Variants in NXPH1 observed in about 807,000 individuals in gnomAD.
NXPH1 encodes neurexophilin 1.
In NXPH1, 5 loss-of-function variants were observed where a neutral mutation model predicts 23.7. The observed-to-expected ratio is 0.21, with a 90% CI of 0.11 to 0.44. NXPH1 has a LOEUF of 0.44. Among genes scored for constraint, NXPH1 ranks in the 20% least tolerant of loss-of-function variants. NXPH1 has a pLI of 0.99. For missense variants in NXPH1, 324 were observed against 321.6 expected (o/e 1.01, Z -0.06); for synonymous variants, 144 against 122.2 (o/e 1.18, Z -1.18).
chr7:8,691,630 G>A lies in NXPH1; in HGVS notation c.55-59378G>A, dbSNP rs145385068. On this transcript the variant is annotated intron_variant, in intron 2 of 2. Coordinates refer to ENST00000405863, the MANE Select transcript of NXPH1 (RefSeq NM_152745.3). ...AAAAATTTTAACCACTGAAACTGCC[G>A]TATAAAGGTAAAGCAAATATTTGCA... is the stretch of plus-strand genomic sequence containing the variant. 2.6e-4 allele frequency among the ~76,000 whole-genome samples: 40 copies of A among 152,200 alleles called. 1 individual carries two copies. The highest frequency in any genetic ancestry group is 2.1e-3 in the South Asian group (10 of 4,826).
At chr7:8,658,385 T>C (rs1406301048) in intron 2 of NXPH1, among the ~76,000 whole-genome samples, 3 of 152,210 alleles carry the variant, frequency 2.0e-5, no homozygotes, top group African/African-American at 7.2e-5. Flanking sequence ...CAATGTTTAG[T>C]ACTTAAATTT....
chr7:8,743,304 TG>T (rs1218269110), intron 2 of NXPH1, among the ~76,000 whole-genome samples: 1 of 152,152 alleles, frequency 6.6e-6, no homozygotes, highest in Non-Finnish European at 1.5e-5. Context: ...ATATGCAGGT[TG>T]GTAAAAGTTA....
At chr7:8,667,803 A>T (rs1234855629) in intron 2 of NXPH1, among the ~76,000 whole-genome samples, 1 of 151,810 alleles carries the variant, frequency 6.6e-6, no homozygotes, top group Non-Finnish European at 1.5e-5. Flanking sequence ...CTTCTTCTTG[A>T]ACTCCTAAAT....
chr7:8,751,319 C>G lies in NXPH1; in HGVS notation c.366C>G (p.Gly122=), dbSNP rs373044439. ...TGKFKKMFGW[G]DFHSNIKTVK... ...AGTTTAAGAAAATGTTTGGATGGGGCGATTTTCATTCCAACATCAAAACAG... is the reference window on the plus strand; with the variant it reads ...AGTTTAAGAAAATGTTTGGATGGGGGGATTTTCATTCCAACATCAAAACAG... Residue 122 remains glycine (G), a synonymous_variant, in exon 3 of 3, where the codon GGC becomes GGG. Transcript: ENST00000405863. This position sits in a 1 kb window ranked among gnomAD's most constrained non-coding sequence, Gnocchi z 4.5. 4.3e-6 allele frequency: 7 copies of G among 1,613,706 alleles called. No individual in the cohort carries two copies. The East Asian group carries it at 6.7e-5, about 15-fold the overall frequency.
At chr7:8,474,673 T>C (rs1390760213) in intron 2 of NXPH1, among the ~76,000 whole-genome samples, 1 of 152,186 alleles carries the variant, frequency 6.6e-6, no homozygotes, top group Non-Finnish European at 1.5e-5. Context: ...ACTTTAATAG[T>C]CGCATACTAA....
intron 2 of NXPH1, among the ~76,000 whole-genome samples, chr7:8,667,931 T>G (rs1820800556): frequency 6.6e-6 from 1 of 152,138 alleles, no homozygotes; most frequent in Non-Finnish European, 1.5e-5. Flanking sequence ...GTTTTCGAGT[T>G]CACAGATTCT....
At chr7:8,649,046 A>T (rs927609730) in intron 2 of NXPH1, among the ~76,000 whole-genome samples, 3 of 148,554 alleles carry the variant, frequency 2.0e-5, no homozygotes, top group African/African-American at 7.5e-5. Flanking sequence ...TTTTTTTTGT[A>T]TTTACACCTT....
chr7:8,736,079 A>G (rs967609583), intron 2 of NXPH1, among the ~76,000 whole-genome samples: 3 of 152,004 alleles, frequency 2.0e-5, no homozygotes, highest in Non-Finnish European at 4.4e-5. Context: ...CAAAAAACCA[A>G]CTCCTGGATT....
intron 2 of NXPH1, among the ~76,000 whole-genome samples, chr7:8,491,818 C>T (rs1035527095): frequency 5.9e-5 from 9 of 152,058 alleles, no homozygotes; most frequent in African/African-American, 2.2e-4. Context: ...ATTCAGCATG[C>T]CAAATTTTCA....
chr7:8,731,097 T>C (rs911429510), intron 2 of NXPH1, among the ~76,000 whole-genome samples: 1 of 151,760 alleles, frequency 6.6e-6, no homozygotes, highest in Non-Finnish European at 1.5e-5. Flanking sequence ...CATTTCATCT[T>C]CTATCACTGA....
chr7:8,445,863 A>G (rs1321597072), intron 2 of NXPH1, among the ~76,000 whole-genome samples: 2 of 152,232 alleles, frequency 1.3e-5, no homozygotes, highest in African/African-American at 4.8e-5. Flanking sequence ...TGTTTATGTC[A>G]GTGTTTTCAG....
rs113468715 is a variant in NXPH1 at position 8,682,055 on chromosome 7, A to G, written c.55-68953A>G. Reference sequence around the variant, plus strand: ...AGTGAAGGGTGAGCATGCCAGTGGAAGGGTCTGAATGGGTGCTGGGGTGAG... The same window carrying G: ...AGTGAAGGGTGAGCATGCCAGTGGAGGGGTCTGAATGGGTGCTGGGGTGAG... On this transcript the variant is annotated intron_variant, in intron 2 of 2. Transcript: ENST00000405863. Among the ~76,000 whole-genome samples the G allele has an allele frequency of 3.2e-3, 494 of 152,276 alleles. 3 individuals carry two copies. The highest frequency in any genetic ancestry group is 0.012 in the African/African-American group (478 of 41,552).
At chr7:8,481,448 G>C (rs1357861301) in intron 2 of NXPH1, among the ~76,000 whole-genome samples, 1 of 152,052 alleles carries the variant, frequency 6.6e-6, no homozygotes, top group Admixed American at 6.6e-5. Context: ...GGGTTTGAGG[G>C]TATTGGGAAA....
chr7:8,444,045 G>C (rs146718359), intron 2 of NXPH1, among the ~76,000 whole-genome samples: 92 of 152,308 alleles, frequency 6.0e-4, no homozygotes, highest in African/African-American at 2.0e-3. Flanking sequence ...CCGTTGATTT[G>C]ATCCAGAAAT....
intron 2 of NXPH1, among the ~76,000 whole-genome samples, chr7:8,496,241 C>A (rs1240780445): frequency 1.3e-5 from 2 of 151,950 alleles, no homozygotes; most frequent in African/African-American, 4.8e-5. Context: ...CACACAAGAC[C>A]CCTTCACCAA....
chr7:8,479,270 A>C (rs1817032317), intron 2 of NXPH1, among the ~76,000 whole-genome samples: 1 of 152,170 alleles, frequency 6.6e-6, no homozygotes, highest in African/African-American at 2.4e-5. Context: ...ATTCTCATTA[A>C]CTTCATTGGT....
chr7:8,731,936 C>T lies in NXPH1; in HGVS notation c.55-19072C>T, dbSNP rs530314916. ...TGGGCAATGGCGGGCGCCCCTCCCCCGGCCTTGCTGCTGCCTTGCAGTTTG... is the reference window on the plus strand; with the variant it reads ...TGGGCAATGGCGGGCGCCCCTCCCCTGGCCTTGCTGCTGCCTTGCAGTTTG... On this transcript the variant is annotated intron_variant, in intron 2 of 2. Transcript: ENST00000405863. Among the ~76,000 whole-genome samples the T allele has an allele frequency of 3.7e-4, 56 of 152,362 alleles. No homozygotes were observed. In the East Asian group the frequency reaches 7.0e-3, roughly 19 times the overall value.
chr7:8,473,964 A>T (rs1212529993), intron 2 of NXPH1, among the ~76,000 whole-genome samples: 1 of 152,146 alleles, frequency 6.6e-6, no homozygotes, highest in African/African-American at 2.4e-5. Flanking sequence ...CAAATTACCC[A>T]GGAGCTTGAT....
At chr7:8,699,199 TA>T (rs1469135726) in intron 2 of NXPH1, among the ~76,000 whole-genome samples, 1 of 152,198 alleles carries the variant, frequency 6.6e-6, no homozygotes, top group African/African-American at 2.4e-5. Context: ...TTTTTCATTT[TA>T]AACGTGAAAA....
Sources: gnomAD v4.1 joint callset for allele counts (sites outside exome capture counted in the v4.1 genomes callset) on GRCh38, gnomAD v4.1.1 for gene constraint, Gnocchi (gnomAD v3.1) non-coding constraint, MANE v1.5 for transcripts, NCBI Gene and HGNC (gene_info 2026-07-23, HGNC 2026-07-21) for gene names.